The following IGSF21 variants were observed in gnomAD, a reference collection of about 807,000 sequenced individuals.
The protein encoded by IGSF21 is immunoglobulin superfamily member 21.
In IGSF21, 28 loss-of-function variants were observed where a neutral mutation model predicts 46.8. The ratio of observed to expected loss-of-function variants is 0.60; its 90% CI spans 0.44 to 0.82. The LOEUF (loss-of-function observed/expected upper bound fraction) is 0.82, where lower values mean the gene tolerates loss of function less well. Ranked by LOEUF, IGSF21 falls within the 40% of genes least tolerant of loss-of-function variation. The probability of loss-of-function intolerance (pLI) is 0.00; values close to 1 mark genes in which losing one functional copy is unlikely to be tolerated. For synonymous variants in IGSF21, 284 were observed against 273.6 expected (o/e 1.04, Z -0.38); for missense variants, 624 against 665.5 (o/e 0.94, Z 0.69).
At chr1:18,180,961 C>A (rs1570309594) in intron 1 of IGSF21, among the ~76,000 whole-genome samples, 1 of 152,292 alleles carries the variant, frequency 6.6e-6, no homozygotes, top group South Asian at 2.1e-4. Context: ...CCCTGCAGAA[C>A]CTAAGCAGAT....
Position 18,141,597 on chromosome 1 carries a change from C to T in IGSF21, c.70+33399C>T, listed in dbSNP as rs1326146756. Among the ~76,000 whole-genome samples, 3 of 152,056 alleles carry T rather than the reference C, an allele frequency of 2.0e-5. No individual in the cohort carries two copies. The East Asian group carries it at 5.8e-4, about 29-fold the overall frequency. ...GAAGCATATGACTGAGAGTGAGGGA[C>T]CTGGAGAGCTAATTCTCTGCTCTAC... On this transcript the variant is annotated intron_variant, in intron 1 of 9. Transcript: ENST00000251296.
intron 1 of IGSF21, among the ~76,000 whole-genome samples, chr1:18,149,814 G>A (rs898905361): frequency 5.3e-5 from 8 of 152,156 alleles, no homozygotes; most frequent in Non-Finnish European, 1.0e-4. Context: ...TCTGTAAAAT[G>A]AGAATCATTC....
intron 3 of IGSF21, among the ~76,000 whole-genome samples, chr1:18,318,527 C>T (rs1006722373): frequency 6.6e-6 from 1 of 151,712 alleles, no homozygotes; most frequent in African/African-American, 2.4e-5. Flanking sequence ...TCTGCTTAGA[C>T]CTTGGTGAGA....
chr1:18,206,493 G>T (rs563598079), intron 1 of IGSF21, among the ~76,000 whole-genome samples: 1 of 150,974 alleles, frequency 6.6e-6, no homozygotes, highest in Non-Finnish European at 1.5e-5. Flanking sequence ...AGGCTGCGGC[G>T]AGCCATGATC....
intron 1 of IGSF21, among the ~76,000 whole-genome samples, chr1:18,171,775 C>CT (rs2086739406): frequency 6.6e-6 from 1 of 152,218 alleles, no homozygotes; most frequent in African/African-American, 2.4e-5. Flanking sequence ...AGTAATTCCC[C>CT]TTCCCCCATG....
chr1:18,222,833 G>A (rs2084523843), intron 1 of IGSF21, among the ~76,000 whole-genome samples: 1 of 152,168 alleles, frequency 6.6e-6, no homozygotes, highest in African/African-American at 2.4e-5. Context: ...AACTTTTCCT[G>A]TGTTTTTCTC....
chr1:18,256,068 CT>C (rs1353987712), intron 2 of IGSF21, among the ~76,000 whole-genome samples: 2 of 152,198 alleles, frequency 1.3e-5, no homozygotes, highest in East Asian at 3.9e-4. Context: ...TGCACCCCAT[CT>C]TTCATCAGCC....
At position 18,148,569 on chromosome 1, in the gene IGSF21, G is replaced by A. The variant is rs138877236; in HGVS notation, c.70+40371G>A. Among the ~76,000 whole-genome samples the A allele has an allele frequency of 6.1e-3, 935 of 152,302 alleles. 9 individuals are homozygous for A. Among genetic ancestry groups the A allele is most frequent in the African/African-American group, 0.022 (897 of 41,552 alleles). ...TGAACTCAGGCAGTCCAGCTTCAGC[G>A]TCTAGACTCTGGACCACAACACTAG... On this transcript the variant is annotated intron_variant, in intron 1 of 9. Coordinates refer to ENST00000251296, the MANE Select transcript of IGSF21 (RefSeq NM_032880.5).
intron 3 of IGSF21, among the ~76,000 whole-genome samples, chr1:18,301,464 C>T (rs181139655): frequency 5.4e-4 from 82 of 152,274 alleles, no homozygotes; most frequent in African/African-American, 1.8e-3. Flanking sequence ...CTCAGCCTCC[C>T]GAGTAGCTGG....
chr1:18,201,761 G>A (rs1570330858), intron 1 of IGSF21, among the ~76,000 whole-genome samples: 1 of 152,128 alleles, frequency 6.6e-6, no homozygotes, highest in Non-Finnish European at 1.5e-5. Context: ...ATCCCATGCC[G>A]AAGATTTTGA....
At chr1:18,307,587 A>C (rs2085439740) in intron 3 of IGSF21, among the ~76,000 whole-genome samples, 1 of 152,208 alleles carries the variant, frequency 6.6e-6, no homozygotes, top group Non-Finnish European at 1.5e-5. Flanking sequence ...GTGAAAACTC[A>C]GCAACAGGGC....
chr1:18,367,427 G>A (rs1034201042), intron 6 of IGSF21, among the ~76,000 whole-genome samples: 2 of 152,106 alleles, frequency 1.3e-5, no homozygotes, highest in African/African-American at 4.8e-5. Flanking sequence ...TTGCCAAGTC[G>A]TTAACTTTGT....
intron 2 of IGSF21, among the ~76,000 whole-genome samples, chr1:18,283,305 C>T (rs763510438): frequency 6.6e-6 from 1 of 152,236 alleles, no homozygotes; most frequent in African/African-American, 2.4e-5. Context: ...GAAACCGGGG[C>T]CCACAAGGGA....
intron 2 of IGSF21, among the ~76,000 whole-genome samples, chr1:18,253,191 C>A (rs574772076): frequency 6.6e-6 from 1 of 152,012 alleles, no homozygotes; most frequent in Non-Finnish European, 1.5e-5. Flanking sequence ...CAGGGTCTAC[C>A]CAGCCCCGTG....
chr1:18,320,933 C>T lies in IGSF21; in HGVS notation c.306-13959C>T, dbSNP rs181796554. Among the ~76,000 whole-genome samples, 292 of 152,342 alleles carry T rather than the reference C, an allele frequency of 1.9e-3. 4 individuals carry two copies. The highest frequency in any genetic ancestry group is 2.4e-3 in the Admixed American group (37 of 15,304). ...TTTGAGGATATTTCACCTGGACCCT[C>T]TCCCTGCAGGAAACTGGGCTGATTG... On this transcript the variant is annotated intron_variant, in intron 3 of 9. Transcript: ENST00000251296.
chr1:18,209,900 G>A (rs1333222392), intron 1 of IGSF21, among the ~76,000 whole-genome samples: 4 of 152,032 alleles, frequency 2.6e-5, no homozygotes, highest in African/African-American at 9.7e-5. Context: ...AGGCCTTTCT[G>A]TCTTCATGTA....
intron 1 of IGSF21, among the ~76,000 whole-genome samples, chr1:18,131,003 C>T (rs1444277272): frequency 6.6e-6 from 1 of 152,222 alleles, no homozygotes; most frequent in Non-Finnish European, 1.5e-5. Context: ...TCTTTGAGGT[C>T]CGCCTAGGCG....
intron 3 of IGSF21, among the ~76,000 whole-genome samples, chr1:18,318,183 A>G (rs922525671): frequency 2.6e-5 from 4 of 152,196 alleles, no homozygotes; most frequent in Non-Finnish European, 4.4e-5. Flanking sequence ...GAGCCAGTGT[A>G]ACTGTTAAAT....
intron 2 of IGSF21, among the ~76,000 whole-genome samples, chr1:18,231,584 G>A (rs973822096): frequency 1.3e-5 from 2 of 152,206 alleles, no homozygotes; most frequent in South Asian, 2.1e-4. Flanking sequence ...GTAGCCACCA[G>A]TCACACGTGG....
Sources: allele counts gnomAD v4.1 joint callset (sites outside exome capture counted in the v4.1 genomes callset), GRCh38; gene constraint gnomAD v4.1.1; transcripts MANE v1.5; gene names NCBI Gene and HGNC (gene_info 2026-07-23, HGNC 2026-07-21).